Variants in SUGP1 observed in about 807,000 individuals in gnomAD.
SUGP1 encodes the protein SURP and G-patch domain containing 1.
In SUGP1, 34 loss-of-function variants were observed where a neutral mutation model predicts 76.5. The observed-to-expected ratio is 0.44, with a 90% CI of 0.34 to 0.59. The LOEUF is 0.59. SUGP1 is among the 20% of genes least tolerant of loss of function. The pLI, the probability that SUGP1 is intolerant of heterozygous loss-of-function variation, is 0.01. For missense variants in SUGP1, 752 were observed against 851.7 expected (o/e 0.88, Z 1.46); for synonymous variants, 326 against 326.2 (o/e 1.00, Z 0.01).
At position 19,277,736 on chromosome 19, in the gene SUGP1, G is replaced by A. The variant is rs2061065049; in HGVS notation, c.1779C>T (p.Asn593=). ...SEGQGIKNPV[N]KGTTTVDGAG... The stretch of plus-strand genomic sequence containing the variant: ...CCCTCCCACAAGGCCACACTCACTT[G>A]TTCACTGGGTTCTTGATGCCCTGGC... Residue 593 remains asparagine, a splice_region_variant and synonymous_variant, in exon 12 of 14, where the codon AAC becomes AAT. Coordinates refer to ENST00000247001, the MANE Select transcript of SUGP1 (RefSeq NM_172231.4). 6.2e-7 allele frequency: 1 copy of A among 1,613,848 alleles called. No individual in the cohort carries two copies. The highest frequency in any genetic ancestry group is 1.1e-5 in the South Asian group (1 of 91,084).
At position 19,296,984 on chromosome 19, in the gene SUGP1, C is replaced by A; in HGVS notation, c.1243+5G>T. ...AACACAGGGAGGGGGAGAGGGTCTGCCCACCTGACAGAGGCGAGGGAGAGG... is the reference window on the plus strand; with the variant it reads ...AACACAGGGAGGGGGAGAGGGTCTGACCACCTGACAGAGGCGAGGGAGAGG... On this transcript the variant is annotated splice_donor_5th_base_variant and intron_variant, in intron 8 of 13. Coordinates refer to ENST00000247001, the MANE Select transcript of SUGP1 (RefSeq NM_172231.4). The A allele has an allele frequency of 6.4e-7, 1 of 1,564,182 alleles. No homozygotes were observed. Among genetic ancestry groups the A allele is most frequent in the Non-Finnish European group, 8.7e-7 (1 of 1,148,750 alleles).
At chr19:19,309,193 TTA>T (rs1344453680) in intron 3 of SUGP1, among the ~76,000 whole-genome samples, 1 of 152,118 alleles carries the variant, frequency 6.6e-6, no homozygotes, top group Non-Finnish European at 1.5e-5. Context: ...ATTTACATAT[TTA>T]TTACTTGGGC....
chr19:19,283,207 C>G (rs1221820275), intron 8 of SUGP1, among the ~76,000 whole-genome samples: 1 of 152,158 alleles, frequency 6.6e-6, no homozygotes, highest in Non-Finnish European at 1.5e-5. Flanking sequence ...CTTATGCACA[C>G]AGACTGTACA....
intron 1 of SUGP1, 57 bp downstream of exon 1, chr19:19,320,406 G>C (rs897554133): frequency 6.3e-7 from 1 of 1,585,778 alleles, no homozygotes; most frequent in Non-Finnish European, 8.6e-7. Context: ...GGAGTCAGGG[G>C]AGACACCTAG....
chr19:19,285,741 G>GT (rs1394472925), intron 8 of SUGP1, among the ~76,000 whole-genome samples: 3 of 151,468 alleles, frequency 2.0e-5, no homozygotes, highest in Non-Finnish European at 2.9e-5. Context: ...AATTTTTGTG[G>GT]TTTTTTGTAG....
intron 1 of SUGP1, among the ~76,000 whole-genome samples, chr19:19,319,427 T>TC (rs1157215831): frequency 6.6e-6 from 1 of 151,180 alleles, no homozygotes. Context: ...TCAAATGTCC[T>TC]CTGCTTGAAA....
Position 19,305,875 on chromosome 19 carries a change from T to G in SUGP1, c.512A>C (p.Asp171Ala), listed in dbSNP as rs2061313381. ...TTTGATCTCCAGCCACTGCTCATAG[T>G]CCTCCTCCTCGTCCTCGTCAGGGGA... ...FQSPDEDEEEDYEQWLEIKVS... is the reference protein window; with the variant it reads ...FQSPDEDEEEAYEQWLEIKVS... Residue 171 changes from aspartate (D) to alanine (A), a missense_variant, in exon 4 of 14, where the codon GAC (aspartate) becomes GCC (alanine). Around this residue, in one of 2 missense-constraint regions of SUGP1, gnomAD observed 620 missense variants for 617.3 expected, o/e 1.00. Coordinates refer to ENST00000247001, the MANE Select transcript of SUGP1 (RefSeq NM_172231.4). 1.2e-6 allele frequency: 2 copies of G among 1,611,954 alleles called. No homozygotes were observed. The highest frequency in any genetic ancestry group is 1.7e-6 in the Non-Finnish European group (2 of 1,178,886).
intron 2 of SUGP1, chr19:19,316,146 T>A (rs538486376): frequency 6.5e-5 from 24 of 370,786 alleles, no homozygotes; most frequent in African/African-American, 4.6e-4. Flanking sequence ...AGGCAGAGAT[T>A]TTTACTCTGT....
chr19:19,291,061 G>A (rs28437425), intron 8 of SUGP1, among the ~76,000 whole-genome samples: 5,114 of 151,866 alleles, frequency 0.034, 307 homozygotes, highest in African/African-American at 0.12. Context: ...AGGTTGCAGT[G>A]AGACAAGATC....
At chr19:19,296,077 G>A (rs1293824405) in intron 8 of SUGP1, among the ~76,000 whole-genome samples, 1 of 152,194 alleles carries the variant, frequency 6.6e-6, no homozygotes, top group African/African-American at 2.4e-5. Flanking sequence ...GGCACTTTGG[G>A]AGGCCGAGGC....
intron 8 of SUGP1, 130 bp downstream of exon 8, chr19:19,296,859 G>A: frequency 1.2e-6 from 1 of 805,530 alleles, no homozygotes; most frequent in Non-Finnish European, 1.9e-6. Context: ...TGTACACACA[G>A]TGGAAGATAT....
At chr19:19,295,904 C>T (rs1415376792) in intron 8 of SUGP1, among the ~76,000 whole-genome samples, 1 of 152,140 alleles carries the variant, frequency 6.6e-6, no homozygotes, top group African/African-American at 2.4e-5. Flanking sequence ...CTAAAATAGA[C>T]ATTTCTCCAA....
At position 19,277,848 on chromosome 19, in the gene SUGP1, T is replaced by C; in HGVS notation, c.1667A>G (p.Lys556Arg). ...GTTCTCCACAGTCAGCTTGAACTCC[T>C]TGTACTCTGAGTAGTCAGGCTCACG... ...EGREPDYSEYKEFKLTVENIG... is the reference protein window; with the variant it reads ...EGREPDYSEYREFKLTVENIG... Residue 556 changes from lysine to arginine, a missense_variant, in exon 12 of 14, where the codon AAG (lysine) becomes AGG (arginine). Coordinates refer to ENST00000247001, the MANE Select transcript of SUGP1 (RefSeq NM_172231.4). 6.2e-7 allele frequency: 1 copy of C among 1,614,024 alleles called. No homozygotes were observed. The highest frequency in any genetic ancestry group is 8.5e-7 in the Non-Finnish European group (1 of 1,179,982).
In SUGP1 at chr19:19,279,378, A is replaced by ACATCTGCTG; in HGVS notation, c.1354_1362dup (p.Gln452_Met454dup). 1.2e-6 allele frequency: 2 copies of ACATCTGCTG among 1,604,550 alleles called. No homozygotes were observed. Among genetic ancestry groups the ACATCTGCTG allele is most frequent in the African/African-American group, 2.7e-5 (2 of 74,766 alleles). ...CGCTTGTGCTGCATGATCATGTCGT[A>ACATCTGCTG]CATCTGCTGCATCTGCAGGGCACAC... is the stretch of plus-strand genomic sequence containing the variant. On this transcript the variant is annotated inframe_insertion, in exon 10 of 14. Transcript: ENST00000247001.
chr19:19,316,170 TC>T, intron 2 of SUGP1: 1 of 517,850 alleles, frequency 1.9e-6, no homozygotes. Context: ...ACCCCTTCCC[TC>T]TGCACCACAG....
chr19:19,314,314 C>T (rs1481051908), intron 2 of SUGP1, among the ~76,000 whole-genome samples: 1 of 151,634 alleles, frequency 6.6e-6, no homozygotes, highest in East Asian at 1.9e-4. Flanking sequence ...CAGAGCAAGA[C>T]TCGTCTCAAA....
intron 7 of SUGP1, chr19:19,301,945 T>C: frequency 5.6e-6 from 2 of 356,270 alleles, no homozygotes; most frequent in Non-Finnish European, 1.0e-5. Context: ...AGAGCCTGAC[T>C]TGCCCCCGGC....
In SUGP1 at chr19:19,316,456, G is replaced by A; in HGVS notation, c.172C>T (p.Gln58Ter). The A allele has an allele frequency of 6.2e-7, 1 of 1,613,938 alleles. No individual in the cohort carries two copies. The highest frequency in any genetic ancestry group is 1.3e-5 in the African/African-American group (1 of 74,974). The change falls in exon 2 of 14, where the codon CAG becomes TAG. Residue 58 changes from glutamine to a stop codon, truncating the protein, a stop_gained. Transcript: ENST00000247001. LOFTEE classifies it high-confidence loss of function. ...AKMEQKAKQNQVASPQPPHPG... is the reference protein window; with the variant it reads ...AKMEQKAKQN The stretch of plus-strand genomic sequence containing the variant: ...TGTGGGGGCTGAGGGCTGGCCACCT[G>A]ATTCTGCTTGGCTTTCTGTTCCATT...
chr19:19,310,250 G>A, intron 2 of SUGP1, 50 bp from the exon 3 acceptor site: 2 of 1,369,082 alleles, frequency 1.5e-6, no homozygotes, highest in Non-Finnish European at 2.1e-6. Context: ...GAGATGGAGT[G>A]AGGGCACCAG....
Sources: gnomAD v4.1 joint callset for allele counts (sites outside exome capture counted in the v4.1 genomes callset) on GRCh38, gnomAD v4.1.1 for gene constraint, gnomAD v4.1.1 regional missense constraint, MANE v1.5 for transcripts, NCBI Gene and HGNC (gene_info 2026-07-23, HGNC 2026-07-21) for gene names.